Variants in NEDD4 observed in about 807,000 individuals in gnomAD.
NEDD4 encodes NEDD4 E3 ubiquitin protein ligase, also known as E3 ubiquitin-protein ligase NEDD4.
In NEDD4, 99 loss-of-function variants were observed where a neutral mutation model predicts 144.9. The ratio of observed to expected loss-of-function variants is 0.68; its 90% CI spans 0.58 to 0.81. NEDD4 has a LOEUF of 0.81. Among genes scored for constraint, NEDD4 ranks in the 30% least tolerant of loss-of-function variants. NEDD4 has a pLI of 0.00. For missense variants in NEDD4, 985 were observed against 1,065.9 expected, an observed-to-expected ratio of 0.92 and a Z score of 1.06; for synonymous variants, 318 against 350.6, an observed-to-expected ratio of 0.91 and a Z score of 1.04.
intron 18 of NEDD4, 22 bp from the exon 19 acceptor site, chr15:55,842,185 G>A (rs765080476): frequency 1.4e-5 from 22 of 1,587,998 alleles, no homozygotes; most frequent in Middle Eastern, 1.7e-4. Context: ...GAGGAGAGAC[G>A]TACTGTTTAA....
chr15:55,952,030 A>C lies in NEDD4; in HGVS notation c.120-441T>G, dbSNP rs377007917. ...AAACTGCTTTCACTTAAAAAAAAAA[A>C]AACAAAAACTAGGTGTGGCCGCGCA... is the stretch of plus-strand genomic sequence containing the variant. On this transcript the variant is annotated intron_variant, in intron 2 of 28. Coordinates refer to ENST00000435532, the MANE Select transcript of NEDD4 (RefSeq NM_006154.4). Among the ~76,000 whole-genome samples, 79 of 151,984 alleles carry C rather than the reference A, an allele frequency of 5.2e-4. 1 individual carries two copies. The highest frequency in any genetic ancestry group is 1.8e-3 in the African/African-American group (73 of 41,506).
chr15:55,949,532 C>T (rs1393658488), intron 4 of NEDD4, among the ~76,000 whole-genome samples: 1 of 152,138 alleles, frequency 6.6e-6, no homozygotes, highest in Non-Finnish European at 1.5e-5. Context: ...TTCACAATAG[C>T]AAAGACTTGG....
intron 5 of NEDD4, among the ~76,000 whole-genome samples, chr15:55,889,435 T>C (rs1301425456): frequency 6.6e-6 from 1 of 152,196 alleles, no homozygotes. Context: ...TGGATAAAAC[T>C]GAAGGTCATT....
At chr15:55,865,452 T>C (rs1376376171) in intron 8 of NEDD4, among the ~76,000 whole-genome samples, 3 of 151,956 alleles carry the variant, frequency 2.0e-5, no homozygotes. Flanking sequence ...TGGGACACTG[T>C]TAAGTATGAC....
At chr15:55,926,067 C>T (rs140925562) in intron 4 of NEDD4, among the ~76,000 whole-genome samples, 6 of 151,260 alleles carry the variant, frequency 4.0e-5, no homozygotes, top group South Asian at 4.2e-4. Flanking sequence ...AATACATATA[C>T]GTATGTAAAA....
At chr15:55,938,024 GACT>G (rs2036925718) in intron 4 of NEDD4, among the ~76,000 whole-genome samples, 1 of 152,126 alleles carries the variant, frequency 6.6e-6, no homozygotes, top group African/African-American at 2.4e-5. Flanking sequence ...ACTGATCTTT[GACT>G]CAGGTGCCAA....
At chr15:55,904,775 A>G (rs2142168024) in intron 5 of NEDD4, among the ~76,000 whole-genome samples, 1 of 152,302 alleles carries the variant, frequency 6.6e-6, no homozygotes, top group East Asian at 1.9e-4. Flanking sequence ...ATATGCTTCT[A>G]GAATATACAC....
intron 5 of NEDD4, among the ~76,000 whole-genome samples, chr15:55,904,031 G>A (rs1233950677): frequency 6.6e-6 from 1 of 150,978 alleles, no homozygotes; most frequent in African/African-American, 2.4e-5. Context: ...ATGTGGTGGC[G>A]GGCACCAGTA....
chr15:55,904,469 A>C (rs2036020935), intron 5 of NEDD4, among the ~76,000 whole-genome samples: 1 of 151,684 alleles, frequency 6.6e-6, no homozygotes. Context: ...CGCCTGGCTA[A>C]TTTTTCTGTT....
At chr15:55,938,352 C>G (rs2036932249) in intron 4 of NEDD4, among the ~76,000 whole-genome samples, 1 of 151,764 alleles carries the variant, frequency 6.6e-6, no homozygotes, top group Non-Finnish European at 1.5e-5. Context: ...GAAAACAAAA[C>G]AAAACAAAAA....
intron 12 of NEDD4, among the ~76,000 whole-genome samples, chr15:55,854,454 T>G (rs1159510931): frequency 6.6e-6 from 1 of 152,056 alleles, no homozygotes; most frequent in African/African-American, 2.4e-5. Flanking sequence ...CGTGCACTAA[T>G]AGAGGCATGC....
At chr15:55,909,299 G>A (rs554640805) in intron 5 of NEDD4, among the ~76,000 whole-genome samples, 3 of 152,108 alleles carry the variant, frequency 2.0e-5, no homozygotes, top group African/African-American at 4.8e-5. Context: ...CCAACAGTTC[G>A]CTTCAATCTT....
At chr15:55,876,880 T>C (rs1034490573) in intron 5 of NEDD4, among the ~76,000 whole-genome samples, 1 of 151,968 alleles carries the variant, frequency 6.6e-6, no homozygotes, top group Non-Finnish European at 1.5e-5. Flanking sequence ...TTTTTTCTTT[T>C]TTTTTAAAGA....
rs145235983 is a variant in NEDD4, at chr15:55,940,083, T to C, written c.237+11293A>G. Among the ~76,000 whole-genome samples the C allele has an allele frequency of 3.6e-3, 553 of 152,318 alleles. 5 individuals carry two copies. The highest frequency in any genetic ancestry group is 0.013 in the African/African-American group (533 of 41,582). On this transcript the variant is annotated intron_variant, in intron 4 of 28. Coordinates refer to ENST00000435532, the MANE Select transcript of NEDD4 (RefSeq NM_006154.4). ...CAAAATGGATGAACCTTGAGGACAC[T>C]ACCCTAGGTGAAATAAGCTAGTCCC...
At chr15:55,841,525 G>A (rs1458254916) in intron 19 of NEDD4, among the ~76,000 whole-genome samples, 2 of 152,138 alleles carry the variant, frequency 1.3e-5, no homozygotes, top group Non-Finnish European at 2.9e-5. Flanking sequence ...ATAGTGGGAT[G>A]GCAGCACAAC....
Position 55,973,080 on chromosome 15 carries a change from G to C in NEDD4, c.46-6534C>G, listed in dbSNP as rs944568205. Among the ~76,000 whole-genome samples the C allele has an allele frequency of 4.7e-5, 7 of 149,954 alleles. No homozygotes were observed. The East Asian group carries it at 1.4e-3, about 31-fold the overall frequency. On this transcript the variant is annotated intron_variant, in intron 1 of 28. Transcript: ENST00000435532. ...CTTTCGGCACTGGATAGATCATTCAGACAGAAAACCAACAAAGAAATGTTG... is the reference window on the plus strand; with the variant it reads ...CTTTCGGCACTGGATAGATCATTCACACAGAAAACCAACAAAGAAATGTTG...
At chr15:55,928,864 T>G (rs1019218065) in intron 4 of NEDD4, among the ~76,000 whole-genome samples, 2 of 152,220 alleles carry the variant, frequency 1.3e-5, no homozygotes, top group South Asian at 4.1e-4. Context: ...TTCAGAAGCA[T>G]ATAATAAATG....
At chr15:55,914,460 CTAATA>C (rs1400961950) in intron 5 of NEDD4, among the ~76,000 whole-genome samples, 1 of 151,604 alleles carries the variant, frequency 6.6e-6, no homozygotes, top group African/African-American at 2.4e-5. Context: ...AGTTAAATTA[CTAATA>C]TAATAAAGCT....
At chr15:55,981,165 C>A (rs1394894788) in intron 1 of NEDD4, among the ~76,000 whole-genome samples, 1 of 151,818 alleles carries the variant, frequency 6.6e-6, no homozygotes, top group African/African-American at 2.4e-5. Context: ...GCCTCAGCCT[C>A]CTGAGTAGCT....
Sources: gnomAD v4.1 joint callset for allele counts (sites outside exome capture counted in the v4.1 genomes callset) on GRCh38, gnomAD v4.1.1 for gene constraint, MANE v1.5 for transcripts, NCBI Gene and HGNC (gene_info 2026-07-23, HGNC 2026-07-21) for gene names.